Variants in CNOT2 observed in about 807,000 individuals in gnomAD.
CNOT2 encodes CC chemokine receptor 4-negative regulator of transcription 2.
CNOT2 carries 7 observed loss-of-function variants against 72.1 expected under a neutral mutation model. The observed-to-expected ratio is 0.10, with a 90% confidence interval of 0.06 to 0.18. The LOEUF is 0.18. Ranked by LOEUF, CNOT2 falls within the 10% of genes least tolerant of loss-of-function variation. The pLI is 1.00. For synonymous variants in CNOT2, 196 were observed against 225.6 expected (o/e 0.87, Z 1.17); for missense variants, 345 against 660.3 (o/e 0.52, Z 5.23).
At chr12:70,288,803 C>A (rs745667047) in intron 2 of CNOT2, among the ~76,000 whole-genome samples, 2 of 152,104 alleles carry the variant, frequency 1.3e-5, no homozygotes, top group Admixed American at 6.5e-5. Context: ...TTCTTTAGAT[C>A]TCAGCTGAAA....
At chr12:70,321,200 T>TA (rs1301307946) in intron 4 of CNOT2, among the ~76,000 whole-genome samples, 1 of 151,074 alleles carries the variant, frequency 6.6e-6, no homozygotes, top group Non-Finnish European at 1.5e-5. Flanking sequence ...AAGTGTTAGA[T>TA]AGAGTACAGA....
At chr12:70,337,346 A>G (rs1880845010) in intron 8 of CNOT2, 43 bp from the exon 9 acceptor site, 4 of 1,544,260 alleles carry the variant, frequency 2.6e-6, no homozygotes, top group Non-Finnish European at 3.6e-6. Context: ...GCAAAATATC[A>G]TAAATATCAA....
intron 15 of CNOT2, among the ~76,000 whole-genome samples, chr12:70,348,820 T>A (rs1882522353): frequency 6.6e-6 from 1 of 151,838 alleles, no homozygotes; most frequent in South Asian, 2.1e-4. Context: ...TAAAGAAAAT[T>A]GTATCTATTT....
intron 1 of CNOT2, among the ~76,000 whole-genome samples, chr12:70,274,659 C>G (rs1243054880): frequency 6.6e-6 from 1 of 151,986 alleles, no homozygotes; most frequent in Non-Finnish European, 1.5e-5. Context: ...AAAAAAGATT[C>G]ATCTAAGTCA....
intron 1 of CNOT2, among the ~76,000 whole-genome samples, chr12:70,259,218 G>A (rs577123153): frequency 6.6e-6 from 1 of 152,020 alleles, no homozygotes; most frequent in African/African-American, 2.4e-5. Context: ...TACTGTTCTT[G>A]TTCAAGCATA....
chr12:70,319,167 T>A, intron 3 of CNOT2, 131 bp from the exon 4 acceptor site: 1 of 678,464 alleles, frequency 1.5e-6, no homozygotes, highest in Non-Finnish European at 2.4e-6. Flanking sequence ...GAATGTTTGT[T>A]TTATGTTTTT....
intron 2 of CNOT2, among the ~76,000 whole-genome samples, chr12:70,296,760 C>T (rs1470580415): frequency 7.0e-6 from 1 of 143,794 alleles, no homozygotes; most frequent in Non-Finnish European, 1.5e-5. Context: ...TATTTAAGCC[C>T]CCCCCCCTTT....
chr12:70,247,631 T>G (rs1265551048), intron 1 of CNOT2, among the ~76,000 whole-genome samples: 1 of 152,238 alleles, frequency 6.6e-6, no homozygotes, highest in African/African-American at 2.4e-5. Context: ...GCTGTATTGC[T>G]TTTTACTCTT....
At chr12:70,338,171 A>ATT in intron 9 of CNOT2, 9 of 262,496 alleles carry the variant, frequency 3.4e-5, no homozygotes, top group Non-Finnish European at 5.6e-5. Context: ...AAAGAGATAG[A>ATT]TTTTTTTTTT....
intron 2 of CNOT2, among the ~76,000 whole-genome samples, chr12:70,308,679 GT>G (rs1875918506): frequency 5.9e-5 from 9 of 151,354 alleles, no homozygotes; most frequent in Admixed American, 5.9e-4. Context: ...TGGAACATAT[GT>G]TTAATTTTGC....
intron 2 of CNOT2, among the ~76,000 whole-genome samples, chr12:70,300,987 G>A (rs1290355147): frequency 1.3e-5 from 2 of 152,130 alleles, no homozygotes; most frequent in Admixed American, 1.3e-4. Flanking sequence ...AAGCAATTGT[G>A]AATGGGAGTT....
At chr12:70,271,799 G>T (rs972681376) in intron 1 of CNOT2, among the ~76,000 whole-genome samples, 2 of 152,144 alleles carry the variant, frequency 1.3e-5, no homozygotes, top group Admixed American at 6.6e-5. Flanking sequence ...TAAAAAATTA[G>T]AAAGTATTTG....
chr12:70,344,443 T>C, intron 14 of CNOT2: 1 of 443,086 alleles, frequency 2.3e-6, no homozygotes, highest in Non-Finnish European at 4.0e-6. Context: ...AACTTAATGC[T>C]GAAGCTGGGT....
At chr12:70,327,049 T>C (rs1879182572) in intron 4 of CNOT2, among the ~76,000 whole-genome samples, 1 of 151,878 alleles carries the variant, frequency 6.6e-6, no homozygotes, top group Non-Finnish European at 1.5e-5. Flanking sequence ...AAATGATAAA[T>C]TTTTATGATA....
At chr12:70,309,224 A>G (rs17107953) in intron 2 of CNOT2, among the ~76,000 whole-genome samples, 2,353 of 152,220 alleles carry the variant, frequency 0.015, 63 homozygotes, top group African/African-American at 0.054. Context: ...TGTTTCCCAA[A>G]AAAAGATTAA....
At chr12:70,323,365 G>A (rs1878595856) in intron 4 of CNOT2, 1 of 151,680 alleles carries the variant, frequency 6.6e-6, no homozygotes, top group Non-Finnish European at 1.5e-5. Flanking sequence ...ACAAGAAGCA[G>A]TCTCATATAA....
At chr12:70,344,748 A>C (rs563880852) in intron 14 of CNOT2, 1 of 152,302 alleles carries the variant, frequency 6.6e-6, no homozygotes, top group South Asian at 2.1e-4. Flanking sequence ...AATAAGTGCC[A>C]AATTTGTAAG....
chr12:70,317,611 ATTTTTTTTTTTT>A (rs529433652), intron 3 of CNOT2, among the ~76,000 whole-genome samples: 1 of 105,456 alleles, frequency 9.5e-6, no homozygotes, highest in African/African-American at 3.7e-5. Flanking sequence ...ATAAGGTTTG[ATTTTTTTTTTTT>A]TTTTTTTTTT....
chr12:70,300,112 G>A (rs1020742358), intron 2 of CNOT2, among the ~76,000 whole-genome samples: 2 of 152,082 alleles, frequency 1.3e-5, no homozygotes, highest in Non-Finnish European at 2.9e-5. Flanking sequence ...TGTAGATTCT[G>A]GATATTAGCC....
Sources: allele counts gnomAD v4.1 joint callset (sites outside exome capture counted in the v4.1 genomes callset), GRCh38; gene constraint gnomAD v4.1.1; transcripts MANE v1.5; gene names NCBI Gene and HGNC (gene_info 2026-07-23, HGNC 2026-07-21).